RNF4: variants seen among roughly 807,000 people sequenced by gnomAD.
The protein encoded by RNF4 is E3 ubiquitin-protein ligase RNF4.
Under a neutral mutation model 24.3 loss-of-function variants are expected in RNF4, and 7 were observed. The observed-to-expected ratio is 0.29, with a 90% CI of 0.16 to 0.54. The LOEUF is 0.54. Among genes scored for constraint, RNF4 ranks in the 20% least tolerant of loss-of-function variants. The pLI is 0.95. For synonymous variants in RNF4, 83 were observed against 84.3 expected (o/e 0.98, Z 0.09); for missense variants, 209 against 248.5 (o/e 0.84, Z 1.07).
intron 1 of RNF4, among the ~76,000 whole-genome samples, chr4:2,474,904 G>C (rs1172355448): frequency 1.3e-5 from 2 of 152,150 alleles, no homozygotes; most frequent in Non-Finnish European, 2.9e-5. Context: ...GGGCATGCCT[G>C]TAATCCCAGC....
At position 2,499,786 on chromosome 4, in the gene RNF4, G is replaced by T. The variant is rs1030575934; in HGVS notation, c.125-873G>T. On this transcript the variant is annotated intron_variant, in intron 3 of 7. Coordinates refer to ENST00000314289, the MANE Select transcript of RNF4 (RefSeq NM_002938.5). ...GATGCAACCCATTTTGTATGTTGAG[G>T]TTCTAGCTATCAGTATATATCACTG... 2.6e-5 allele frequency among the ~76,000 whole-genome samples: 4 copies of T among 152,234 alleles called. No homozygotes were observed. In the East Asian group the frequency reaches 7.7e-4, roughly 29 times the overall value.
chr4:2,472,184 TA>T (rs1419064441), intron 1 of RNF4, among the ~76,000 whole-genome samples: 1 of 152,128 alleles, frequency 6.6e-6, no homozygotes, highest in African/African-American at 2.4e-5. Flanking sequence ...CTAGGGCCCT[TA>T]AGAAGTATGC....
intron 1 of RNF4, among the ~76,000 whole-genome samples, chr4:2,488,569 GCCAAC>G (rs1735484635): frequency 6.6e-6 from 1 of 152,206 alleles, no homozygotes; most frequent in Non-Finnish European, 1.5e-5. Flanking sequence ...TGGAGAGACT[GCCAAC>G]CTGGTGCTGT....
chr4:2,489,101 C>T (rs1369619443), intron 1 of RNF4, among the ~76,000 whole-genome samples: 1 of 152,206 alleles, frequency 6.6e-6, no homozygotes, highest in African/African-American at 2.4e-5. Flanking sequence ...GTGTGAGCTA[C>T]TACACCCGGC....
intron 1 of RNF4, among the ~76,000 whole-genome samples, chr4:2,473,643 C>T (rs577640048): frequency 6.6e-6 from 1 of 151,788 alleles, no homozygotes; most frequent in East Asian, 1.9e-4. Context: ...AACCCCGTCT[C>T]TACTAAAAAT....
intron 1 of RNF4, among the ~76,000 whole-genome samples, chr4:2,483,102 T>C (rs1172036046): frequency 4.6e-5 from 7 of 152,244 alleles, no homozygotes; most frequent in Admixed American, 2.6e-4. Context: ...TTACTTGATT[T>C]GTTGATCATC....
chr4:2,513,784 A>T lies in RNF4; in HGVS notation c.538A>T (p.Ile180Phe). ...ANTCPTCRKK[I>F]NHKRYHPIYI ...TACTTGCCCAACTTGTAGGAAAAAG[A>T]TCAACCACAAACGGTACCACCCCAT... The change falls in exon 8 of 8, where the codon ATC becomes TTC. Residue 180 changes from isoleucine to phenylalanine, a missense_variant. This residue lies in a region of RNF4 where 17 missense variants were observed against 16.2 expected (regional missense o/e 1.05). Coordinates refer to ENST00000314289, the MANE Select transcript of RNF4 (RefSeq NM_002938.5). The T allele has an allele frequency of 6.2e-7, 1 of 1,613,990 alleles. No homozygotes were observed. Among genetic ancestry groups the T allele is most frequent in the South Asian group, 1.1e-5 (1 of 91,084 alleles).
At chr4:2,488,416 G>T (rs1458137218) in intron 1 of RNF4, among the ~76,000 whole-genome samples, 1 of 152,118 alleles carries the variant, frequency 6.6e-6, no homozygotes, top group Non-Finnish European at 1.5e-5. Flanking sequence ...TGAGCCCACT[G>T]CACTCCAGTC....
intron 1 of RNF4, among the ~76,000 whole-genome samples, chr4:2,487,405 C>A (rs1735442275): frequency 1.3e-5 from 2 of 152,298 alleles, no homozygotes; most frequent in African/African-American, 4.8e-5. Flanking sequence ...TGTGCCTTAG[C>A]CTCCTACGTA....
chr4:2,498,968 G>A (rs186828667), intron 3 of RNF4, among the ~76,000 whole-genome samples: 55 of 152,172 alleles, frequency 3.6e-4, no homozygotes, highest in Admixed American at 2.0e-3. Context: ...AGGCCGAGGC[G>A]TGCAGATCAC....
intron 1 of RNF4, among the ~76,000 whole-genome samples, chr4:2,487,946 C>T (rs532906889): frequency 6.6e-6 from 1 of 152,294 alleles, no homozygotes; most frequent in East Asian, 1.9e-4. Flanking sequence ...GCTGGGACGG[C>T]GGTCCCTTTG....
At chr4:2,486,201 A>G (rs933867269) in intron 1 of RNF4, among the ~76,000 whole-genome samples, 5 of 152,144 alleles carry the variant, frequency 3.3e-5, no homozygotes, top group Admixed American at 3.3e-4. Context: ...ATGTGGTGAT[A>G]TTAATATTTA....
intron 4 of RNF4, among the ~76,000 whole-genome samples, chr4:2,507,662 C>G (rs1687714192): frequency 6.6e-6 from 1 of 152,110 alleles, no homozygotes; most frequent in African/African-American, 2.4e-5. Context: ...CCTATACTTG[C>G]TTCTTTCATG....
chr4:2,487,750 G>A (rs531197097), intron 1 of RNF4, among the ~76,000 whole-genome samples: 13 of 152,166 alleles, frequency 8.5e-5, no homozygotes, highest in African/African-American at 1.2e-4. Flanking sequence ...GAGAGCACCC[G>A]TAGTCCCATA....
intron 1 of RNF4, among the ~76,000 whole-genome samples, chr4:2,476,152 C>T (rs1735064206): frequency 6.6e-6 from 1 of 152,158 alleles, no homozygotes; most frequent in Non-Finnish European, 1.5e-5. Flanking sequence ...TGTCCTAGGG[C>T]CTAGGCATTT....
intron 1 of RNF4, among the ~76,000 whole-genome samples, chr4:2,475,021 C>G (rs2108748867): frequency 6.6e-6 from 1 of 152,162 alleles, no homozygotes; most frequent in South Asian, 2.1e-4. Flanking sequence ...GAGTGAAACT[C>G]CATCTCAAAA....
intron 2 of RNF4, 22 bp downstream of exon 2, chr4:2,490,524 A>C: frequency 6.2e-7 from 1 of 1,608,156 alleles, no homozygotes; most frequent in South Asian, 1.1e-5. Context: ...CATCTCTTGA[A>C]TTTTTAATTT....
chr4:2,507,878 A>T (rs1262847972), intron 4 of RNF4, among the ~76,000 whole-genome samples: 1 of 151,772 alleles, frequency 6.6e-6, no homozygotes, highest in Non-Finnish European at 1.5e-5. Context: ...TTTTTGAGAC[A>T]GGGTGTTGCT....
chr4:2,512,215 C>A lies in RNF4; in HGVS notation c.215-223C>A. On this transcript the variant is annotated intron_variant, in intron 5 of 7. Coordinates refer to ENST00000314289, the MANE Select transcript of RNF4 (RefSeq NM_002938.5). This position sits in a 1 kb window ranked among gnomAD's most constrained non-coding sequence, Gnocchi z 4.1. ...GTGGCCTACCAGATTTTGGAGAAGG[C>A]TGGTAGCTCACAGCAGGGGTTGGGG... 1.5e-6 allele frequency: 1 copy of A among 654,842 alleles called. No individual in the cohort carries two copies. The highest frequency in any genetic ancestry group is 2.7e-5 in the East Asian group (1 of 36,962). 40.6% of individuals were successfully genotyped at this position (654,842 alleles called of 1,614,324 possible). A position where few individuals can be genotyped will look rare whatever the true frequency, so the allele number is the denominator to read the frequency against.
Sources: gnomAD v4.1 joint callset for allele counts (sites outside exome capture counted in the v4.1 genomes callset) on GRCh38, gnomAD v4.1.1 for gene constraint, gnomAD v4.1.1 regional missense constraint, Gnocchi (gnomAD v3.1) non-coding constraint, MANE v1.5 for transcripts, NCBI Gene and HGNC (gene_info 2026-07-23, HGNC 2026-07-21) for gene names.